The following PACRG variants were observed in gnomAD, a reference collection of about 807,000 sequenced individuals.
PACRG encodes the protein parkin coregulated.
PACRG carries 29 observed loss-of-function variants against 29.7 expected under a neutral mutation model. The observed-to-expected ratio is 0.98, with a 90% confidence interval of 0.73 to 1.33. PACRG has a LOEUF of 1.33. PACRG is among the 40% of genes most tolerant of loss of function. PACRG has a pLI of 0.00. For missense variants in PACRG, 279 were observed against 316.2 expected (o/e 0.88, Z 0.89); for synonymous variants, 116 against 118.7 (o/e 0.98, Z 0.15).
intron 2 of PACRG, among the ~76,000 whole-genome samples, chr6:163,052,512 T>G (rs1197168409): frequency 6.6e-6 from 1 of 152,116 alleles, no homozygotes; most frequent in South Asian, 2.1e-4. Context: ...AATTGTAAAC[T>G]CCACATGTCG....
intron 2 of PACRG, among the ~76,000 whole-genome samples, chr6:162,958,733 T>TGC (rs1554316879): frequency 6.4e-5 from 5 of 78,656 alleles, no homozygotes; most frequent in Non-Finnish European, 1.3e-4. Context: ...GGTACACATA[T>TGC]GCGTGTGTGT....
intron 4 of PACRG, among the ~76,000 whole-genome samples, chr6:163,173,295 TTACAA>T (rs542783084): frequency 2.8e-4 from 42 of 152,312 alleles, no homozygotes; most frequent in Non-Finnish European, 5.6e-4. Flanking sequence ...CTAAATTTCT[TTACAA>T]TATAAACCTC....
At chr6:163,025,315 T>C (rs566861760) in intron 2 of PACRG, among the ~76,000 whole-genome samples, 3 of 152,324 alleles carry the variant, frequency 2.0e-5, no homozygotes, top group East Asian at 1.9e-4. Flanking sequence ...GCTAACGATA[T>C]GATTCTATAC....
At chr6:163,172,468 G>A (rs960148809) in intron 4 of PACRG, among the ~76,000 whole-genome samples, 1 of 152,186 alleles carries the variant, frequency 6.6e-6, no homozygotes, top group Non-Finnish European at 1.5e-5. Context: ...GGAATAATTT[G>A]TTTTAGTGTA....
At chr6:163,131,669 T>C (rs554344365) in intron 4 of PACRG, among the ~76,000 whole-genome samples, 1 of 152,284 alleles carries the variant, frequency 6.6e-6, no homozygotes, top group South Asian at 2.1e-4. Context: ...AGCTGTTGAA[T>C]GTTAAGAGCC....
At chr6:163,166,047 C>G in intron 4 of PACRG, 1 of 453,634 alleles carries the variant, frequency 2.2e-6, no homozygotes, top group Non-Finnish European at 4.4e-6. Context: ...CATCTAAATC[C>G]GAGTGTAATG....
At position 162,907,288 on chromosome 6, in the gene PACRG, G is replaced by C. The variant is rs146619707; in HGVS notation, c.291+93007G>C. On this transcript the variant is annotated intron_variant, in intron 2 of 4. Coordinates refer to ENST00000366888, the MANE Select transcript of PACRG (RefSeq NM_001080379.2). ...GTTTAAAAATGGCTTAGATTCAGTA[G>C]TTTATTTGTAAATATTATCAATACA... 4.3e-3 allele frequency among the ~76,000 whole-genome samples: 662 copies of C among 152,196 alleles called. 2 individuals are homozygous for C. The highest frequency in any genetic ancestry group is 0.015 in the African/African-American group (603 of 41,526).
intron 1 of PACRG, among the ~76,000 whole-genome samples, chr6:162,747,325 CATATATATATATATATATAT>C (rs1190146053): frequency 0.012 from 413 of 33,238 alleles, 57 homozygotes; most frequent in African/African-American, 0.039. Context: ...TCTCCTTGCT[CATATATATATATATATATAT>C]ATATATATAT....
intron 4 of PACRG, among the ~76,000 whole-genome samples, chr6:163,110,110 A>G (rs910110126): frequency 1.3e-5 from 2 of 152,206 alleles, no homozygotes; most frequent in Non-Finnish European, 2.9e-5. Context: ...GAGGTAGTTC[A>G]TCTTCACAGA....
At chr6:163,185,332 A>G (rs1029568192) in intron 4 of PACRG, among the ~76,000 whole-genome samples, 2 of 152,222 alleles carry the variant, frequency 1.3e-5, no homozygotes, top group African/African-American at 4.8e-5. Flanking sequence ...CATTGTGATA[A>G]AACAATCCAC....
chr6:163,131,262 C>T (rs1279609956), intron 4 of PACRG, among the ~76,000 whole-genome samples: 1 of 8,240 alleles, frequency 1.2e-4, no homozygotes, highest in Non-Finnish European at 2.3e-4. Flanking sequence ...GAGCCCAGAT[C>T]ACGCCACTGC....
chr6:163,069,682 G>A (rs367608793), intron 3 of PACRG, among the ~76,000 whole-genome samples: 6 of 152,072 alleles, frequency 3.9e-5, no homozygotes, highest in East Asian at 1.9e-4. Context: ...GCCCCAAAGC[G>A]GAAAATCTAA....
At chr6:163,044,954 C>T (rs1178872915) in intron 2 of PACRG, among the ~76,000 whole-genome samples, 1 of 152,152 alleles carries the variant, frequency 6.6e-6, no homozygotes, top group African/African-American at 2.4e-5. Context: ...TCTGGTTGCT[C>T]CTCTCCAATG....
chr6:162,852,001 G>GGA (rs1554291923), intron 2 of PACRG, among the ~76,000 whole-genome samples: 2,784 of 99,978 alleles, frequency 0.028, 48 homozygotes, highest in Middle Eastern at 0.044. Flanking sequence ...GGGAGGGAGG[G>GGA]AGGGAGGAAG....
chr6:162,888,764 C>T (rs2874453), intron 2 of PACRG, among the ~76,000 whole-genome samples: 40,782 of 152,024 alleles, frequency 0.27, 5,796 homozygotes, highest in African/African-American at 0.33. Context: ...CATTAGGCAA[C>T]CTTCCTCTTT....
chr6:163,076,806 CT>C (rs1812588987), intron 3 of PACRG, among the ~76,000 whole-genome samples: 1 of 152,092 alleles, frequency 6.6e-6, no homozygotes, highest in African/African-American at 2.4e-5. Flanking sequence ...TATAAAGCCT[CT>C]TCTGATTCAC....
intron 2 of PACRG, among the ~76,000 whole-genome samples, chr6:162,960,794 C>G (rs1441113843): frequency 7.2e-6 from 1 of 139,814 alleles, no homozygotes; most frequent in African/African-American, 2.6e-5. Context: ...TCAGACCCAG[C>G]TAGATCCAGA....
chr6:162,740,686 GC>G (rs1798168225), intron 1 of PACRG, among the ~76,000 whole-genome samples: 2 of 149,632 alleles, frequency 1.3e-5, no homozygotes, highest in South Asian at 2.1e-4. Flanking sequence ...TGCAACCTCT[GC>G]CCCCTGGGTT....
intron 4 of PACRG, among the ~76,000 whole-genome samples, chr6:163,245,983 T>G (rs1782681953): frequency 6.6e-6 from 1 of 152,126 alleles, no homozygotes. Context: ...TGCTCACCCC[T>G]CAGCGCCTCC....
Sources: allele counts gnomAD v4.1 joint callset (sites outside exome capture counted in the v4.1 genomes callset), GRCh38; gene constraint gnomAD v4.1.1; transcripts MANE v1.5; gene names NCBI Gene and HGNC (gene_info 2026-07-23, HGNC 2026-07-21).